CASR: variants seen among roughly 807,000 people sequenced by gnomAD.
CASR encodes the protein extracellular calcium-sensing receptor.
In CASR, 23 loss-of-function variants were observed where a neutral mutation model predicts 69.1. The observed-to-expected ratio is 0.33, with a 90% CI of 0.24 to 0.47. CASR has a LOEUF of 0.47. Ranked by LOEUF, CASR falls within the 20% of genes least tolerant of loss-of-function variation. The pLI is 1.00. For missense variants in CASR, 924 were observed against 1,356.1 expected (o/e 0.68, Z 5.00); for synonymous variants, 541 against 544.7 (o/e 0.99, Z 0.10).
chr3:122,250,051 C>A (rs34242060), intron 1 of CASR, among the ~76,000 whole-genome samples: 25,412 of 152,054 alleles, frequency 0.17, 2,180 homozygotes, highest in Non-Finnish European at 0.18. Flanking sequence ...GGATAAGGGG[C>A]AACCAGGAGT....
intron 5 of CASR, among the ~76,000 whole-genome samples, chr3:122,281,117 C>A (rs2074882200): frequency 6.6e-6 from 1 of 152,206 alleles, no homozygotes; most frequent in Admixed American, 6.5e-5. Context: ...TGGACAAAAA[C>A]CACTGAAGAA....
At chr3:122,271,786 A>G (rs113112252) in intron 4 of CASR, among the ~76,000 whole-genome samples, 1 of 152,156 alleles carries the variant, frequency 6.6e-6, no homozygotes, top group East Asian at 1.9e-4. Flanking sequence ...TCTTAGACAA[A>G]CACTGATCTA....
At position 122,284,828 on chromosome 3, in the gene CASR, G is replaced by A. The variant is rs2074947758; in HGVS notation, c.2874G>A (p.Gln958=). The change falls in exon 7 of 7, where the codon CAG becomes CAA. Residue 958 remains glutamine (Q), a synonymous_variant. Coordinates refer to ENST00000639785, the MANE Select transcript of CASR (RefSeq NM_000388.4). ...TCCCACAGCAGCAACGATCTCAGCA[G>A]CAGCCCAGATGCAAGCAGAAGGTCA... ...LTLPQQQRSQ[Q]QPRCKQKVIF... 5.6e-6 allele frequency: 9 copies of A among 1,614,208 alleles called. No homozygotes were observed. The highest frequency in any genetic ancestry group is 7.6e-6 in the Non-Finnish European group (9 of 1,180,038).
At chr3:122,251,685 G>T (rs536779310) in intron 1 of CASR, among the ~76,000 whole-genome samples, 2 of 152,376 alleles carry the variant, frequency 1.3e-5, no homozygotes, top group South Asian at 2.1e-4. Flanking sequence ...GTTCAGCAAG[G>T]TTGGAGTGTG....
intron 5 of CASR, among the ~76,000 whole-genome samples, chr3:122,279,799 A>G (rs1030160219): frequency 9.9e-5 from 15 of 152,108 alleles, no homozygotes; most frequent in African/African-American, 3.4e-4. Context: ...TTCTTTTTTC[A>G]TTGTATTTCT....
At chr3:122,215,466 A>G (rs1308427412) in intron 1 of CASR, among the ~76,000 whole-genome samples, 1 of 152,218 alleles carries the variant, frequency 6.6e-6, no homozygotes, top group Non-Finnish European at 1.5e-5. Context: ...TTTATTTAAG[A>G]AACCTCTTTC....
intron 1 of CASR, among the ~76,000 whole-genome samples, chr3:122,244,889 A>C (rs1255053748): frequency 3.3e-5 from 5 of 152,346 alleles, no homozygotes; most frequent in African/African-American, 9.6e-5. Flanking sequence ...TACAGTATGA[A>C]TAGGTGGTAA....
intron 1 of CASR, among the ~76,000 whole-genome samples, chr3:122,234,948 T>C (rs2074315349): frequency 6.6e-6 from 1 of 152,224 alleles, no homozygotes; most frequent in Non-Finnish European, 1.5e-5. Flanking sequence ...AGAGAGACAC[T>C]GAGAGTGCAC....
intron 1 of CASR, among the ~76,000 whole-genome samples, chr3:122,243,995 T>A (rs1206759015): frequency 6.6e-6 from 1 of 151,988 alleles, no homozygotes; most frequent in Non-Finnish European, 1.5e-5. Flanking sequence ...TCATGAACAT[T>A]GAGAGTAGAA....
chr3:122,232,000 G>T (rs921222268), intron 1 of CASR, among the ~76,000 whole-genome samples: 1 of 152,128 alleles, frequency 6.6e-6, no homozygotes, highest in Non-Finnish European at 1.5e-5. Context: ...GATAGCCATC[G>T]CAGGAAGGAC....
chr3:122,251,900 A>C lies in CASR; in HGVS notation c.-242-2048A>C, dbSNP rs561444562. 2.0e-4 allele frequency among the ~76,000 whole-genome samples: 31 copies of C among 152,364 alleles called. No homozygotes were observed. The South Asian group carries it at 6.4e-3, about 32-fold the overall frequency. On this transcript the variant is annotated intron_variant, in intron 1 of 6. Transcript: ENST00000639785. ...GTGTGAATCCAGAGCCTGTGCTCCA[A>C]AGCACTTGTCCTGTGGCATCCAAAG...
intron 4 of CASR, among the ~76,000 whole-genome samples, chr3:122,267,514 C>A (rs2074708569): frequency 6.6e-6 from 1 of 152,020 alleles, no homozygotes. Flanking sequence ...GGAAAGGTCA[C>A]AAAATGTCCT....
intron 1 of CASR, among the ~76,000 whole-genome samples, chr3:122,192,157 G>T (rs1225544743): frequency 6.6e-6 from 1 of 152,182 alleles, no homozygotes; most frequent in Non-Finnish European, 1.5e-5. Context: ...AATACAGTGT[G>T]GTGGATAGGA....
At chr3:122,192,944 T>C (rs2073853371) in intron 1 of CASR, among the ~76,000 whole-genome samples, 2 of 152,176 alleles carry the variant, frequency 1.3e-5, no homozygotes, top group South Asian at 4.1e-4. Context: ...ATAGCTTATT[T>C]AGCTTTCTGA....
intron 4 of CASR, among the ~76,000 whole-genome samples, chr3:122,275,483 G>C (rs1314983067): frequency 1.3e-4 from 20 of 152,228 alleles, no homozygotes; most frequent in Non-Finnish European, 4.4e-5. Flanking sequence ...CCCCTCCTGG[G>C]GCACCACCAG....
intron 5 of CASR, among the ~76,000 whole-genome samples, chr3:122,280,225 C>T (rs2074871917): frequency 2.6e-5 from 4 of 152,196 alleles, no homozygotes; most frequent in African/African-American, 9.6e-5. Context: ...ATAATAAAAG[C>T]CATTTATGAC....
At chr3:122,211,933 G>A (rs528816933) in intron 1 of CASR, among the ~76,000 whole-genome samples, 2 of 152,272 alleles carry the variant, frequency 1.3e-5, no homozygotes, top group South Asian at 4.1e-4. Context: ...AGGCTGTGGA[G>A]AAATAGGAAT....
At chr3:122,238,104 C>T (rs564140688) in intron 1 of CASR, among the ~76,000 whole-genome samples, 17 of 152,286 alleles carry the variant, frequency 1.1e-4, no homozygotes, top group African/African-American at 4.1e-4. Context: ...ATCAGGTGAA[C>T]AGTCACAGCA....
intron 1 of CASR, among the ~76,000 whole-genome samples, chr3:122,191,679 T>G (rs760003447): frequency 2.0e-5 from 3 of 152,178 alleles, no homozygotes; most frequent in Non-Finnish European, 2.9e-5. Flanking sequence ...CAAAAAAATT[T>G]GCAACAAATA....
Sources: allele counts gnomAD v4.1 joint callset (sites outside exome capture counted in the v4.1 genomes callset), GRCh38; gene constraint gnomAD v4.1.1; transcripts MANE v1.5; gene names NCBI Gene and HGNC (gene_info 2026-07-23, HGNC 2026-07-21).